Variants in PDGFC observed in about 807,000 individuals in gnomAD.
PDGFC encodes the protein platelet-derived growth factor C.
A neutral mutation model predicts 35.5 loss-of-function variants in PDGFC; 12 were observed. The observed-to-expected ratio is 0.34, with a 90% CI of 0.22 to 0.55. The LOEUF is 0.55. Among genes scored for constraint, PDGFC ranks in the 20% least tolerant of loss-of-function variants. PDGFC has a pLI of 0.91. For synonymous variants in PDGFC, 159 were observed against 148.8 expected (o/e 1.07, Z -0.50); for missense variants, 322 against 412.4 (o/e 0.78, Z 1.90).
chr4:156,847,448 CT>C (rs1206600127), intron 2 of PDGFC, among the ~76,000 whole-genome samples: 1 of 151,820 alleles, frequency 6.6e-6, no homozygotes, highest in Non-Finnish European at 1.5e-5. Flanking sequence ...CTCTTCAAAA[CT>C]GTCTAGTCAT....
intron 1 of PDGFC, among the ~76,000 whole-genome samples, chr4:156,865,668 G>C (rs1729823458): frequency 6.6e-6 from 1 of 152,056 alleles, no homozygotes; most frequent in Non-Finnish European, 1.5e-5. Flanking sequence ...TGAACAAAGA[G>C]GAGAAAAAAG....
chr4:156,848,996 T>C (rs1416250807), intron 2 of PDGFC, among the ~76,000 whole-genome samples: 1 of 152,004 alleles, frequency 6.6e-6, no homozygotes, highest in Non-Finnish European at 1.5e-5. Context: ...GGGATAGGAT[T>C]ACTTACTACT....
chr4:156,799,923 C>CA (rs1731553913), intron 3 of PDGFC, among the ~76,000 whole-genome samples: 1 of 152,036 alleles, frequency 6.6e-6, no homozygotes, highest in African/African-American at 2.4e-5. Flanking sequence ...ATTAGTTCAC[C>CA]ATTTTTTCAA....
chr4:156,821,014 G>A (rs1214274305), intron 2 of PDGFC, among the ~76,000 whole-genome samples: 1 of 152,076 alleles, frequency 6.6e-6, no homozygotes, highest in East Asian at 1.9e-4. Flanking sequence ...AGAAACAAAC[G>A]ATCCTTAGTT....
intron 1 of PDGFC, among the ~76,000 whole-genome samples, chr4:156,872,037 A>T (rs924583827): frequency 6.6e-6 from 1 of 151,808 alleles, no homozygotes. Context: ...AAGAGCAAAC[A>T]ACAACAACAA....
At chr4:156,859,339 T>G (rs1579060319) in intron 1 of PDGFC, among the ~76,000 whole-genome samples, 1 of 152,238 alleles carries the variant, frequency 6.6e-6, no homozygotes, top group South Asian at 2.1e-4. Flanking sequence ...TTAGGAATGC[T>G]AATTGAGGGC....
intron 1 of PDGFC, among the ~76,000 whole-genome samples, chr4:156,932,922 C>T (rs1731587522): frequency 6.6e-6 from 1 of 151,772 alleles, no homozygotes; most frequent in African/African-American, 2.4e-5. Context: ...GTTTCTAACA[C>T]ACACACACAA....
chr4:156,813,894 C>G (rs1377015081), intron 2 of PDGFC, among the ~76,000 whole-genome samples: 1 of 152,242 alleles, frequency 6.6e-6, no homozygotes. Flanking sequence ...TCCACGAGGG[C>G]TCATCTCCAG....
chr4:156,940,546 T>TA (rs1237255186), intron 1 of PDGFC, among the ~76,000 whole-genome samples: 1 of 152,114 alleles, frequency 6.6e-6, no homozygotes, highest in Non-Finnish European at 1.5e-5. Flanking sequence ...ACTCTTAGAA[T>TA]AAACAGAGGC....
chr4:156,764,503 TAG>T (rs1167100555), intron 5 of PDGFC, among the ~76,000 whole-genome samples: 1 of 152,152 alleles, frequency 6.6e-6, no homozygotes, highest in Admixed American at 6.6e-5. Flanking sequence ...GATGAATTAT[TAG>T]AGAGATAGAT....
intron 1 of PDGFC, chr4:156,873,771 C>T (rs1297172128): frequency 6.6e-6 from 1 of 152,176 alleles, no homozygotes; most frequent in Non-Finnish European, 1.5e-5. Context: ...CAGAACAGTC[C>T]TTGGACTTAT....
At chr4:156,794,280 A>G (rs535748610) in intron 3 of PDGFC, among the ~76,000 whole-genome samples, 50 of 152,286 alleles carry the variant, frequency 3.3e-4, no homozygotes, top group African/African-American at 1.1e-3. Context: ...ATATTGGAAG[A>G]GCATGGTATA....
At chr4:156,874,665 C>T (rs1169594734) in intron 1 of PDGFC, among the ~76,000 whole-genome samples, 3 of 151,976 alleles carry the variant, frequency 2.0e-5, no homozygotes, top group Admixed American at 2.0e-4. Flanking sequence ...CTTGAATTGC[C>T]TCTTAGCCAA....
At chr4:156,819,548 A>C (rs1382877227) in intron 2 of PDGFC, among the ~76,000 whole-genome samples, 1 of 152,204 alleles carries the variant, frequency 6.6e-6, no homozygotes, top group Non-Finnish European at 1.5e-5. Context: ...TGGTTTACTA[A>C]ATATTTTAAA....
intron 2 of PDGFC, among the ~76,000 whole-genome samples, chr4:156,824,350 A>ATG (rs1491213765): frequency 1.1e-4 from 14 of 129,086 alleles, no homozygotes; most frequent in African/African-American, 5.6e-4. Flanking sequence ...ACACACACAC[A>ATG]TATACACACA....
At chr4:156,874,672 CCAAAAACACTGCATT>C (rs1180140900) in intron 1 of PDGFC, among the ~76,000 whole-genome samples, 6 of 151,900 alleles carry the variant, frequency 3.9e-5, no homozygotes, top group Non-Finnish European at 8.8e-5. Flanking sequence ...TGCCTCTTAG[CCAAAAACACTGCATT>C]TATAAAAGAC....
At chr4:156,969,407 A>G (rs1223495435) in intron 1 of PDGFC, among the ~76,000 whole-genome samples, 1 of 152,220 alleles carries the variant, frequency 6.6e-6, no homozygotes, top group East Asian at 1.9e-4. Flanking sequence ...GTGGCATCAC[A>G]TTAGCAAGTT....
chr4:156,882,940 C>T (rs984714265), intron 1 of PDGFC, among the ~76,000 whole-genome samples: 3 of 151,902 alleles, frequency 2.0e-5, no homozygotes, highest in South Asian at 2.1e-4. Flanking sequence ...AAAAATTAGC[C>T]GGACATGGTG....
rs397707839 is a variant in PDGFC, at chr4:156,926,049, C to CAAAAAAAAAAAAAAAAAAAAAAAAAAA, written c.118+44736_118+44737insTTTTTTTTTTTTTTTTTTTTTTTTTTT. Among the ~76,000 whole-genome samples, 2 of 67,546 alleles carry CAAAAAAAAAAAAAAAAAAAAAAAAAAA rather than the reference C, an allele frequency of 3.0e-5. 1 individual carries two copies. Among genetic ancestry groups the CAAAAAAAAAAAAAAAAAAAAAAAAAAA allele is most frequent in the African/African-American group, 1.3e-4 (2 of 14,852 alleles). 44.3% of individuals were successfully genotyped at this position (67,546 alleles called of 152,430 possible). On this transcript the variant is annotated intron_variant, in intron 1 of 5. Transcript: ENST00000502773. Reference sequence around the variant, plus strand: ...GCCTGGGTGAAAGTAAGATCTGTCTCAAAAAAAAAAAAAAAAAAAAAAAAG... The same window carrying CAAAAAAAAAAAAAAAAAAAAAAAAAAA: ...GCCTGGGTGAAAGTAAGATCTGTCTCAAAAAAAAAAAAAAAAAAAAAAAAAAAAAAAAAAAAAAAAAAAAAAAAAAAG...
Sources: gnomAD v4.1 joint callset for allele counts (sites outside exome capture counted in the v4.1 genomes callset) on GRCh38, gnomAD v4.1.1 for gene constraint, MANE v1.5 for transcripts, NCBI Gene and HGNC (gene_info 2026-07-23, HGNC 2026-07-21) for gene names.